Variants in CRACD observed in about 807,000 individuals in gnomAD.
The protein encoded by CRACD is capping protein-inhibiting regulator of actin dynamics.
Under a neutral mutation model 106.8 loss-of-function variants are expected in CRACD, and 56 were observed. The observed-to-expected ratio is 0.52, with a 90% CI of 0.42 to 0.66. CRACD has a LOEUF of 0.66. CRACD is among the 30% of genes least tolerant of loss of function. The pLI is 0.00. For synonymous variants in CRACD, 754 were observed against 670.8 expected (o/e 1.12, Z -1.92); for missense variants, 1,730 against 1,623.2 (o/e 1.07, Z -1.13).
At chr4:56,095,364 T>C (rs934990909) in intron 1 of CRACD, among the ~76,000 whole-genome samples, 2 of 152,142 alleles carry the variant, frequency 1.3e-5, no homozygotes, top group Admixed American at 6.6e-5. Flanking sequence ...TTATCAGTAC[T>C]ATTGTTATCG....
chr4:56,256,244 A>C (rs553333211), intron 2 of CRACD, among the ~76,000 whole-genome samples: 1 of 152,160 alleles, frequency 6.6e-6, no homozygotes, highest in African/African-American at 2.4e-5. Flanking sequence ...GTGATAGTAA[A>C]TAAGTCTCAA....
intron 10 of CRACD, among the ~76,000 whole-genome samples, chr4:56,325,445 T>C (rs987295268): frequency 2.6e-4 from 40 of 152,190 alleles, no homozygotes; most frequent in African/African-American, 9.4e-4. Context: ...GACACGTGGC[T>C]CAGAAGCTCC....
intron 1 of CRACD, among the ~76,000 whole-genome samples, chr4:56,097,225 G>A (rs1266889246): frequency 1.3e-5 from 2 of 152,158 alleles, no homozygotes; most frequent in African/African-American, 4.8e-5. Context: ...TGAGAGTGAG[G>A]ATGGAGGAGG....
intron 2 of CRACD, among the ~76,000 whole-genome samples, chr4:56,250,897 ATT>A (rs1489937747): frequency 6.6e-6 from 1 of 152,220 alleles, no homozygotes; most frequent in Non-Finnish European, 1.5e-5. Flanking sequence ...TTACAAGCAT[ATT>A]TCGAAATAAC....
At chr4:56,190,465 A>T (rs1393057885) in intron 2 of CRACD, among the ~76,000 whole-genome samples, 1 of 152,182 alleles carries the variant, frequency 6.6e-6, no homozygotes, top group Non-Finnish European at 1.5e-5. Context: ...ATTTCTCCAG[A>T]TGTGGAGAAA....
At chr4:56,180,419 GGA>G (rs1316813064) in intron 2 of CRACD, among the ~76,000 whole-genome samples, 1 of 149,644 alleles carries the variant, frequency 6.7e-6, no homozygotes, top group African/African-American at 2.5e-5. Flanking sequence ...AACCCGGGAG[GGA>G]GAGGTTGCAG....
chr4:56,234,267 G>A (rs1323308335), intron 2 of CRACD, among the ~76,000 whole-genome samples: 1 of 151,900 alleles, frequency 6.6e-6, no homozygotes, highest in Admixed American at 6.6e-5. Flanking sequence ...CCCTCCAATA[G>A]CCCCTGGCAA....
intron 2 of CRACD, among the ~76,000 whole-genome samples, chr4:56,237,038 G>C (rs1740016947): frequency 1.3e-5 from 2 of 151,902 alleles, no homozygotes; most frequent in African/African-American, 2.4e-5. Flanking sequence ...CCCATCCTTT[G>C]GAATTTATGC....
chr4:56,315,982 G>A lies in CRACD; in HGVS notation c.2480G>A (p.Gly827Glu). 6.2e-7 allele frequency: 1 copy of A among 1,614,204 alleles called. No individual in the cohort carries two copies. The highest frequency in any genetic ancestry group is 8.5e-7 in the Non-Finnish European group (1 of 1,180,038). Residue 827 changes from glycine (G) to glutamate (E), a missense_variant, in exon 8 of 11, where the codon GGG becomes GAG. Gly to Glu is a moderately conservative substitution (Grantham distance 98). Transcript: ENST00000682029. The surrounding 1 kb of genome is among the most constrained non-coding windows in gnomAD (Gnocchi z 4.1). ...TCGTCGGACAGCGAGACTGCAAACG[G>A]GATAGCAAAGCCAGACCCTGTGATG... ...TTSSDSETANGIAKPDPVMPG... is the reference protein window; with the variant it reads ...TTSSDSETANEIAKPDPVMPG...
intron 5 of CRACD, chr4:56,308,734 C>G (rs1744927777): frequency 2.0e-6 from 2 of 985,340 alleles, no homozygotes; most frequent in African/African-American, 3.5e-5. Context: ...TGTGGTAGGT[C>G]AAGCAGGGAT....
chr4:56,193,169 C>T (rs1007537142), intron 2 of CRACD, among the ~76,000 whole-genome samples: 11 of 152,208 alleles, frequency 7.2e-5, no homozygotes, highest in African/African-American at 2.4e-4. Flanking sequence ...TGCAGAGTCA[C>T]TCCCCTGTAT....
chr4:56,278,312 T>C (rs1742793466), intron 3 of CRACD, among the ~76,000 whole-genome samples: 1 of 152,192 alleles, frequency 6.6e-6, no homozygotes, highest in Admixed American at 6.5e-5. Context: ...AGGATAGATA[T>C]AAAGATAATG....
intron 1 of CRACD, among the ~76,000 whole-genome samples, chr4:56,078,552 A>G (rs1732917762): frequency 1.3e-5 from 2 of 152,152 alleles, no homozygotes; most frequent in Non-Finnish European, 1.5e-5. Flanking sequence ...CACTACAGGC[A>G]TGCGCCACCA....
rs3036783 is a variant in CRACD at position 56,050,273 on chromosome 4, A to AGTGTGTGT, written c.-336+1009_-336+1016dup. Among the ~76,000 whole-genome samples, 64 of 134,564 alleles carry AGTGTGTGT rather than the reference A, an allele frequency of 4.8e-4. 1 individual carries two copies. Among genetic ancestry groups the AGTGTGTGT allele is most frequent in the Admixed American group, 1.6e-3 (21 of 13,220 alleles). The allele number at this position is 134,564 out of a possible 152,430, so 88.3% of individuals were successfully genotyped here. A position where few individuals can be genotyped will look rare whatever the true frequency, so the allele number is the denominator to read the frequency against. On this transcript the variant is annotated intron_variant, in intron 1 of 10. Coordinates refer to ENST00000682029, the MANE Select transcript of CRACD (RefSeq NM_001393381.1). ...GAAACTGATCTGGTGTAGGTGAGGG[A>AGTGTGTGT]GTGTGTGTGTGTGTGTGTGTGTGTG...
chr4:56,249,027 A>G (rs1740882472), intron 2 of CRACD, among the ~76,000 whole-genome samples: 1 of 81,004 alleles, frequency 1.2e-5, no homozygotes, highest in Non-Finnish European at 2.5e-5. Context: ...TAATACCGCA[A>G]TAAACATACA....
intron 1 of CRACD, among the ~76,000 whole-genome samples, chr4:56,071,061 A>C (rs1255864304): frequency 6.6e-6 from 1 of 152,142 alleles, no homozygotes; most frequent in Non-Finnish European, 1.5e-5. Context: ...AAGAGCTTGT[A>C]AGCCTTTTAA....
intron 2 of CRACD, among the ~76,000 whole-genome samples, chr4:56,255,125 A>C (rs1204937352): frequency 3.3e-5 from 5 of 149,340 alleles, no homozygotes; most frequent in African/African-American, 1.2e-4. Flanking sequence ...AAAAAAAAAA[A>C]AAAAAAAAAC....
At chr4:56,125,216 A>C (rs1734618413) in intron 1 of CRACD, among the ~76,000 whole-genome samples, 2 of 152,186 alleles carry the variant, frequency 1.3e-5, no homozygotes, top group South Asian at 4.1e-4. Flanking sequence ...TCTTGCCTAA[A>C]TGAGTTATGA....
At chr4:56,236,881 A>G (rs10023405) in intron 2 of CRACD, among the ~76,000 whole-genome samples, 36,368 of 152,168 alleles carry the variant, frequency 0.24, 4,492 homozygotes, top group Non-Finnish European at 0.28. Flanking sequence ...ACCATTTTCC[A>G]CCAATCAGAG....
Sources: gnomAD v4.1 joint callset for allele counts (sites outside exome capture counted in the v4.1 genomes callset) on GRCh38, gnomAD v4.1.1 for gene constraint, Gnocchi (gnomAD v3.1) non-coding constraint, MANE v1.5 for transcripts, NCBI Gene and HGNC (gene_info 2026-07-23, HGNC 2026-07-21) for gene names.